Variants in ERGIC2 observed in about 807,000 individuals in gnomAD.
The protein encoded by ERGIC2 is endoplasmic reticulum-Golgi intermediate compartment protein 2.
A neutral mutation model predicts 52.5 loss-of-function variants in ERGIC2; 31 were observed. That is an observed-to-expected ratio of 0.59 (90% CI 0.44 to 0.80). The LOEUF is 0.80. ERGIC2 is among the 30% of genes least tolerant of loss of function. The pLI is 0.00. For synonymous variants in ERGIC2, 129 were observed against 140.6 expected (o/e 0.92, Z 0.58); for missense variants, 395 against 455.2 (o/e 0.87, Z 1.20).
chr12:29,361,594 C>G, intron 6 of ERGIC2, 51 bp downstream of exon 6: 1 of 1,427,646 alleles, frequency 7.0e-7, no homozygotes, highest in Non-Finnish European at 9.6e-7. Flanking sequence ...TTACAATAGA[C>G]AAAATATGAC....
At chr12:29,380,269 G>A (rs1940569560) in intron 1 of ERGIC2, among the ~76,000 whole-genome samples, 2 of 152,096 alleles carry the variant, frequency 1.3e-5, no homozygotes, top group East Asian at 3.8e-4. Flanking sequence ...GTATACTGGA[G>A]TCCAATGTAT....
intron 2 of ERGIC2, 133 bp from the exon 3 acceptor site, chr12:29,370,355 T>A: frequency 1.0e-6 from 1 of 995,580 alleles, no homozygotes; most frequent in Non-Finnish European, 1.4e-6. Flanking sequence ...GAATGCATAC[T>A]ATAGAAGGTT....
chr12:29,344,691 T>C (rs764814721), intron 11 of ERGIC2, among the ~76,000 whole-genome samples: 3 of 152,082 alleles, frequency 2.0e-5, no homozygotes, highest in African/African-American at 4.8e-5. Flanking sequence ...TCCACAATTA[T>C]TGAGGGCATG....
intron 11 of ERGIC2, 151 bp from the exon 12 acceptor site, chr12:29,343,433 A>G (rs141442872): frequency 1.4e-3 from 636 of 464,796 alleles, no homozygotes; most frequent in Non-Finnish European, 2.0e-3. Context: ...GTCCTACTAG[A>G]CTAAGCTCTT....
At chr12:29,370,073 T>C (rs746057306) in intron 3 of ERGIC2, 41 bp downstream of exon 3, 3 of 1,454,688 alleles carry the variant, frequency 2.1e-6, no homozygotes, top group Admixed American at 2.9e-5. Context: ...TTTAAAACAA[T>C]TTGAATCTAA....
At chr12:29,371,461 AT>A in intron 2 of ERGIC2, 66 bp downstream of exon 2, 1 of 1,003,094 alleles carries the variant, frequency 1.0e-6, no homozygotes, top group East Asian at 2.6e-5. Context: ...ACATTTCTAT[AT>A]GTTGTTGACT....
At chr12:29,358,179 C>T (rs1011393819) in intron 6 of ERGIC2, among the ~76,000 whole-genome samples, 6 of 152,192 alleles carry the variant, frequency 3.9e-5, no homozygotes, top group African/African-American at 1.4e-4. Context: ...CCACAAGTAA[C>T]TGATTTTCAC....
chr12:29,357,802 T>C (rs1012616009), intron 6 of ERGIC2, 78 bp from the exon 7 acceptor site: 4 of 806,778 alleles, frequency 5.0e-6, no homozygotes, highest in Non-Finnish European at 8.5e-6. Context: ...TGACAATGTT[T>C]AGCTGACTTA....
intron 5 of ERGIC2, 103 bp from the exon 6 acceptor site, chr12:29,361,788 T>C (rs1940290426): frequency 1.2e-6 from 1 of 832,078 alleles, no homozygotes; most frequent in South Asian, 2.5e-5. Context: ...AACTTAAGTG[T>C]TGTTAAAAAC....
At chr12:29,350,109 T>C (rs772473372) in intron 8 of ERGIC2, 41 bp from the exon 9 acceptor site, 5 of 1,122,388 alleles carry the variant, frequency 4.5e-6, no homozygotes, top group East Asian at 2.5e-5. Flanking sequence ...GTACCATTTA[T>C]ATGTATAATT....
intron 11 of ERGIC2, among the ~76,000 whole-genome samples, 196 bp downstream of exon 11, chr12:29,345,247 G>A (rs1940029129): frequency 6.6e-6 from 1 of 151,926 alleles, no homozygotes; most frequent in East Asian, 1.9e-4. Context: ...TACTTTTATT[G>A]CTTTAGAATA....
intron 1 of ERGIC2, chr12:29,373,067 G>A (rs186950227): frequency 9.8e-4 from 149 of 151,786 alleles, no homozygotes; most frequent in African/African-American, 3.4e-3. Context: ...TAACTTTATG[G>A]GAGACAGGAA....
chr12:29,373,556 A>G (rs1940472769), intron 1 of ERGIC2, among the ~76,000 whole-genome samples: 1 of 152,244 alleles, frequency 6.6e-6, no homozygotes, highest in Non-Finnish European at 1.5e-5. Flanking sequence ...AAAAACTGGC[A>G]GTAAACATGA....
intron 5 of ERGIC2, 53 bp from the exon 6 acceptor site, chr12:29,361,738 A>C (rs1940289758): frequency 6.9e-7 from 1 of 1,451,034 alleles, no homozygotes; most frequent in Admixed American, 2.1e-5. Flanking sequence ...CTTGGCTTTT[A>C]CATCATAATT....
chr12:29,347,726 T>C (rs1591988740), intron 10 of ERGIC2, among the ~76,000 whole-genome samples: 2 of 152,214 alleles, frequency 1.3e-5, no homozygotes, highest in East Asian at 1.9e-4. Flanking sequence ...ATATGTAATG[T>C]TGATTTTTTT....
At position 29,349,869 on chromosome 12, in the gene ERGIC2, A is replaced by G. The variant is rs1461104300; in HGVS notation, c.628+144T>C. 4 of 578,850 alleles carry G rather than the reference A, an allele frequency of 6.9e-6. No individual in the cohort carries two copies. The South Asian group carries it at 1.0e-4, about 14-fold the overall frequency. The allele number at this position is 578,850 out of a possible 1,614,324, so 35.9% of individuals were successfully genotyped here. A position where few individuals can be genotyped will look rare whatever the true frequency, so the allele number is the denominator to read the frequency against. On this transcript the variant is annotated intron_variant, in intron 9 of 13. Transcript: ENST00000360150. ...ATGACCAAATACAAATGCAGATTAA[A>G]GTAAATCAATTTAAAAATTTATTTT... is the stretch of plus-strand genomic sequence containing the variant.
At chr12:29,349,946 T>C in intron 9 of ERGIC2, 67 bp downstream of exon 9, 1 of 964,688 alleles carries the variant, frequency 1.0e-6, no homozygotes, top group Non-Finnish European at 1.6e-6. Flanking sequence ...CTACACTATA[T>C]CTGCACTTTT....
chr12:29,342,501 G>A (rs1313951382), intron 12 of ERGIC2, among the ~76,000 whole-genome samples: 8 of 152,158 alleles, frequency 5.3e-5, no homozygotes, highest in Admixed American at 5.2e-4. Flanking sequence ...TACTGAATAA[G>A]GACTGAAGAT....
At chr12:29,364,271 T>G (rs923948478) in intron 5 of ERGIC2, among the ~76,000 whole-genome samples, 1 of 151,750 alleles carries the variant, frequency 6.6e-6, no homozygotes, top group African/African-American at 2.4e-5. Flanking sequence ...AAGTCCCCCC[T>G]CAACAGAATG....
Sources: gnomAD v4.1 joint callset for allele counts (sites outside exome capture counted in the v4.1 genomes callset) on GRCh38, gnomAD v4.1.1 for gene constraint, MANE v1.5 for transcripts, NCBI Gene and HGNC (gene_info 2026-07-23, HGNC 2026-07-21) for gene names.